The following RFESD variants were observed in gnomAD, a reference collection of about 807,000 sequenced individuals.
The protein encoded by RFESD is Rieske Fe-S domain containing.
RFESD carries 16 observed loss-of-function variants against 24.4 expected under a neutral mutation model. That is an observed-to-expected ratio of 0.66 (90% CI 0.44 to 1.00). The LOEUF is 1.00. RFESD is among the 50% of genes least tolerant of loss of function. The probability of loss-of-function intolerance (pLI) is 0.00; values close to 1 mark genes in which losing one functional copy is unlikely to be tolerated. For missense variants in RFESD, 208 were observed against 247.0 expected, an observed-to-expected ratio of 0.84 and a Z score of 1.06; for synonymous variants, 59 against 81.8, an observed-to-expected ratio of 0.72 and a Z score of 1.50.
chr5:95,647,733 G>A (rs970296297), intron 1 of RFESD: 1 of 151,590 alleles, frequency 6.6e-6, no homozygotes, highest in Non-Finnish European at 1.5e-5. Flanking sequence ...TTGCTAAAAG[G>A]TTTCTGTGTC....
At chr5:95,648,690 T>A (rs1554057490) in intron 1 of RFESD, among the ~76,000 whole-genome samples, 1 of 152,166 alleles carries the variant, frequency 6.6e-6, no homozygotes, top group Non-Finnish European at 1.5e-5. Flanking sequence ...CCCAGTCTTC[T>A]CTGCTCCTTT....
intron 2 of RFESD, 109 bp downstream of exon 2, chr5:95,652,440 G>A: frequency 1.4e-6 from 2 of 1,390,872 alleles, no homozygotes; most frequent in Non-Finnish European, 1.9e-6. Flanking sequence ...CTACTTGGAT[G>A]TCTCTGAGAT....
Position 95,653,146 on chromosome 5 carries a change from A to T in RFESD, c.90A>T (p.Ala30=). The T allele has an allele frequency of 6.4e-7, 1 of 1,551,636 alleles. No homozygotes were observed. Residue 30 remains alanine (A), a synonymous_variant, in exon 3 of 6, where the codon GCA becomes GCT. Transcript: ENST00000380005. ...QYGILFPKLL[A]CLVHLHFGHF... is the part of the protein sequence containing the mutation. ...GAATTCTCTTCCCCAAGCTGTTGGC[A>T]TGTCTAGTTCATTTGCATTTTGGGC...
chr5:95,648,072 CAAGT>C (rs570878749), intron 1 of RFESD: 64 of 152,278 alleles, frequency 4.2e-4, no homozygotes, highest in African/African-American at 1.4e-3. Context: ...AGACGAGTGA[CAAGT>C]AAGTACGTTT....
chr5:95,652,800 A>G (rs1180099056), intron 2 of RFESD: 8 of 329,416 alleles, frequency 2.4e-5, no homozygotes, highest in South Asian at 6.2e-5. Flanking sequence ...TATCCCCTAC[A>G]GCATCAACCC....
Position 95,654,374 on chromosome 5 carries a change from AAAATT to A in RFESD, c.369+13_369+17del. On this transcript the variant is annotated splice_region_variant and intron_variant, in intron 5 of 5. Coordinates refer to ENST00000380005, the MANE Select transcript of RFESD (RefSeq NM_001131066.2). The stretch of plus-strand genomic sequence containing the variant: ...ACATTTGGGAGATATAGAGGTATGT[AAAATT>A]AAATTTATTTTCAGCAAATTCAGCA... 6.4e-7 allele frequency: 1 copy of A among 1,570,188 alleles called. No homozygotes were observed. The highest frequency in any genetic ancestry group is 8.7e-7 in the Non-Finnish European group (1 of 1,152,672).
At chr5:95,652,387 TCTCG>T in intron 2 of RFESD, 56 bp downstream of exon 2, 1 of 1,539,050 alleles carries the variant, frequency 6.5e-7, no homozygotes, top group Non-Finnish European at 8.8e-7. Flanking sequence ...CTCTAGAAAT[TCTCG>T]ACTTTAGTCT....
intron 1 of RFESD, chr5:95,647,847 C>T (rs1750170001): frequency 6.6e-6 from 1 of 151,942 alleles, no homozygotes; most frequent in Non-Finnish European, 1.5e-5. Flanking sequence ...GACTAATGAA[C>T]TATTATATTC....
At chr5:95,654,288 T>A (rs2112515637) in intron 4 of RFESD, 45 bp from the exon 5 acceptor site, 1 of 1,609,312 alleles carries the variant, frequency 6.2e-7, no homozygotes, top group Admixed American at 1.7e-5. Context: ...ACTATCAAAA[T>A]TTCAGTTTTT....
intron 1 of RFESD, among the ~76,000 whole-genome samples, chr5:95,650,873 C>T (rs1432097822): frequency 6.6e-6 from 1 of 151,990 alleles, no homozygotes; most frequent in Non-Finnish European, 1.5e-5. Flanking sequence ...CCGAGGCGGG[C>T]GGATCATGAG....
At chr5:95,648,892 C>CT (rs35016122) in intron 1 of RFESD, among the ~76,000 whole-genome samples, 4,527 of 72,292 alleles carry the variant, frequency 0.063, 118 homozygotes, top group Middle Eastern at 0.077. Flanking sequence ...GATAGTAGTG[C>CT]TTTTTTTTTT....
chr5:95,652,848 C>G, intron 2 of RFESD: 1 of 410,014 alleles, frequency 2.4e-6, no homozygotes, highest in Non-Finnish European at 4.3e-6. Flanking sequence ...GGACCCCTAG[C>G]TTTCTGATTT....
At chr5:95,647,999 A>C (rs1027889294) in intron 1 of RFESD, 2 of 152,212 alleles carry the variant, frequency 1.3e-5, no homozygotes, top group African/African-American at 4.8e-5. Flanking sequence ...ACTTGAGATA[A>C]GCATTCTGAT....
At chr5:95,647,892 A>G (rs1452207350) in intron 1 of RFESD, 1 of 152,148 alleles carries the variant, frequency 6.6e-6, no homozygotes, top group Non-Finnish European at 1.5e-5. Context: ...ACTAAAGGAC[A>G]GCTAGTTTTA....
chr5:95,648,974 G>T (rs1263724653), intron 1 of RFESD, among the ~76,000 whole-genome samples: 1 of 134,990 alleles, frequency 7.4e-6, no homozygotes, highest in East Asian at 2.2e-4. Flanking sequence ...TTTGAAATTA[G>T]CTGTACAAAA....
At chr5:95,649,535 A>T (rs778878109) in intron 1 of RFESD, among the ~76,000 whole-genome samples, 6 of 152,210 alleles carry the variant, frequency 3.9e-5, no homozygotes, top group Non-Finnish European at 7.3e-5. Context: ...GTTTAACTTT[A>T]CTAGGTAATG....
intron 1 of RFESD, among the ~76,000 whole-genome samples, chr5:95,648,802 G>T (rs1750203599): frequency 6.6e-6 from 1 of 151,008 alleles, no homozygotes; most frequent in Non-Finnish European, 1.5e-5. Flanking sequence ...ACCTGTATTT[G>T]GTTCTCATTT....
intron 5 of RFESD, 36 bp from the exon 6 acceptor site, chr5:95,656,010 A>G (rs1580270424): frequency 1.9e-6 from 3 of 1,592,594 alleles, no homozygotes; most frequent in South Asian, 2.3e-5. Context: ...AACATTTGAC[A>G]TGTCAGAATA....
At chr5:95,650,841 G>A (rs1750290656) in intron 1 of RFESD, among the ~76,000 whole-genome samples, 1 of 152,186 alleles carries the variant, frequency 6.6e-6, no homozygotes, top group South Asian at 2.1e-4. Flanking sequence ...GCTCACGCCT[G>A]TAATCCCAGC....
Sources: allele counts gnomAD v4.1 joint callset (sites outside exome capture counted in the v4.1 genomes callset), GRCh38; gene constraint gnomAD v4.1.1; transcripts MANE v1.5; gene names NCBI Gene and HGNC (gene_info 2026-07-23, HGNC 2026-07-21).